Variants in CLASP1 observed in about 807,000 individuals in gnomAD.
CLASP1 encodes cytoplasmic linker associated protein 1.
CLASP1 carries 38 observed loss-of-function variants against 192.3 expected under a neutral mutation model. The observed-to-expected ratio is 0.20, with a 90% CI of 0.15 to 0.26. The LOEUF (loss-of-function observed/expected upper bound fraction) is 0.26, where lower values mean the gene tolerates loss of function less well. CLASP1 is among the 10% of genes least tolerant of loss of function. CLASP1 has a pLI of 1.00. For missense variants in CLASP1, 1,433 were observed against 1,932.5 expected (o/e 0.74, Z 4.85); for synonymous variants, 691 against 712.8 (o/e 0.97, Z 0.49).
chr2:121,442,682 G>A lies in CLASP1; in HGVS notation c.1912+4655C>T, dbSNP rs576801249. ...CTTAATAGAGACGGGGTTTCACCAC[G>A]TTGGTCAGGCTGGTCTCGAACTCCT... On this transcript the variant is annotated intron_variant, in intron 19 of 39. Transcript: ENST00000263710. 5.9e-5 allele frequency among the ~76,000 whole-genome samples: 9 copies of A among 152,164 alleles called. No individual in the cohort carries two copies. In the South Asian group the frequency reaches 1.0e-3, roughly 18 times the overall value.
chr2:121,520,168 C>T (rs1050634836), intron 6 of CLASP1, among the ~76,000 whole-genome samples: 2 of 152,172 alleles, frequency 1.3e-5, no homozygotes, highest in African/African-American at 4.8e-5. Flanking sequence ...GCCCACAGAT[C>T]AGGAATGGCA....
At chr2:121,611,690 T>A in intron 1 of CLASP1, among the ~76,000 whole-genome samples, 4 of 110,114 alleles carry the variant, frequency 3.6e-5, no homozygotes, top group African/African-American at 6.7e-5. Context: ...GAGGAGGAGT[T>A]GGAGGAGTTA....
At chr2:121,603,697 A>T (rs1386687770) in intron 2 of CLASP1, among the ~76,000 whole-genome samples, 1 of 152,262 alleles carries the variant, frequency 6.6e-6, no homozygotes, top group Admixed American at 6.5e-5. Context: ...GAGAATGGAT[A>T]AAGAAAATGT....
At chr2:121,397,150 T>C (rs766745448) in exon 30 of CLASP1, 1 of 1,613,850 alleles carries the variant, frequency 6.2e-7, no homozygotes, top group South Asian at 1.1e-5. Context: ...CTTTCTCACG[T>C]CTGAACTCTT....
intron 11 of CLASP1, among the ~76,000 whole-genome samples, chr2:121,460,736 G>C (rs954747643): frequency 2.0e-5 from 3 of 152,124 alleles, no homozygotes; most frequent in Admixed American, 6.6e-5. Flanking sequence ...TTTCTAGCAA[G>C]TGATAAGAAG....
chr2:121,519,893 C>T (rs1267721028), intron 6 of CLASP1, among the ~76,000 whole-genome samples: 1 of 152,182 alleles, frequency 6.6e-6, no homozygotes, highest in Non-Finnish European at 1.5e-5. Context: ...TGCAGCTATT[C>T]ACTTCTACAC....
chr2:121,531,388 G>A (rs1575734385), intron 2 of CLASP1, among the ~76,000 whole-genome samples: 5 of 152,194 alleles, frequency 3.3e-5, no homozygotes, highest in Admixed American at 3.3e-4. Context: ...GAGGTCAGGA[G>A]ATCGAGACCA....
intron 7 of CLASP1, among the ~76,000 whole-genome samples, chr2:121,509,377 T>G (rs923165620): frequency 2.6e-5 from 4 of 152,196 alleles, no homozygotes; most frequent in Non-Finnish European, 4.4e-5. Context: ...GGGTCTCATG[T>G]TGCCCAGGCT....
At chr2:121,590,375 C>T (rs535002239) in intron 2 of CLASP1, among the ~76,000 whole-genome samples, 1 of 151,956 alleles carries the variant, frequency 6.6e-6, no homozygotes, top group Non-Finnish European at 1.5e-5. Context: ...ACAGCAACCA[C>T]GTACAGAAAA....
At chr2:121,493,855 A>G (rs1328875345) in intron 8 of CLASP1, among the ~76,000 whole-genome samples, 1 of 152,278 alleles carries the variant, frequency 6.6e-6, no homozygotes. Context: ...AGTGCTCAAC[A>G]TCATTGATTA....
chr2:121,518,563 G>A (rs1469344460), intron 6 of CLASP1, among the ~76,000 whole-genome samples: 3 of 152,126 alleles, frequency 2.0e-5, no homozygotes, highest in African/African-American at 7.2e-5. Context: ...TAATGTTAGG[G>A]AATATTTTTA....
intron 6 of CLASP1, 70 bp from the exon 7 acceptor site, chr2:121,515,832 A>C (rs1357712724): frequency 1.5e-5 from 18 of 1,236,572 alleles, no homozygotes; most frequent in Non-Finnish European, 2.1e-5. Context: ...GGGACACAAC[A>C]GGCCATATAC....
chr2:121,566,683 T>G (rs754136376), intron 2 of CLASP1, among the ~76,000 whole-genome samples: 21 of 152,208 alleles, frequency 1.4e-4, no homozygotes, highest in Non-Finnish European at 2.5e-4. Context: ...GTAATTTTGA[T>G]AATAACTACC....
At chr2:121,348,596 G>C (rs776597572) in exon 38 of CLASP1, 2 of 1,613,914 alleles carry the variant, frequency 1.2e-6, no homozygotes, top group Non-Finnish European at 1.7e-6. Context: ...TCTGCATCTT[G>C]ATGGCAGCAA....
intron 8 of CLASP1, among the ~76,000 whole-genome samples, chr2:121,480,808 C>T (rs543563836): frequency 6.6e-5 from 10 of 152,290 alleles, no homozygotes; most frequent in Non-Finnish European, 8.8e-5. Context: ...CAACCCATTA[C>T]GGTAATTAAT....
intron 7 of CLASP1, among the ~76,000 whole-genome samples, chr2:121,509,161 C>G (rs2094034478): frequency 6.6e-6 from 1 of 152,126 alleles, no homozygotes; most frequent in Admixed American, 6.5e-5. Flanking sequence ...GACATTCAAA[C>G]AAACAATATT....
Position 121,447,346 on chromosome 2 carries a change from C to T in CLASP1, c.1903G>A (p.Ala635Thr), listed in dbSNP as rs1260435428. The T allele has an allele frequency of 3.1e-6, 5 of 1,590,864 alleles. No homozygotes were observed. Among genetic ancestry groups the T allele is most frequent in the African/African-American group, 2.7e-5 (2 of 74,528 alleles). The change falls in exon 19 of 40, where the codon GCA becomes ACA. Residue 635 changes from alanine (A) to threonine (T), a missense_variant. Ala to Thr is a moderately conservative substitution (Grantham distance 58, BLOSUM62 0). This residue lies in a region of CLASP1 where 445 missense variants were observed against 535.5 expected (regional missense o/e 0.83). Coordinates refer to ENST00000263710, the Ensembl canonical transcript of CLASP1. ...ACAGGGGTGTGGTTACCTAAGGATG[C>T]GTATGACCCTGGAGGCAAAGCTGCT...
chr2:121,599,753 T>C (rs924430245), intron 2 of CLASP1, among the ~76,000 whole-genome samples: 1 of 150,674 alleles, frequency 6.6e-6, no homozygotes, highest in African/African-American at 2.4e-5. Flanking sequence ...CCATCTCTAC[T>C]AAAAATACAG....
At chr2:121,614,727 A>G (rs1271273072) in intron 1 of CLASP1, among the ~76,000 whole-genome samples, 1 of 152,202 alleles carries the variant, frequency 6.6e-6, no homozygotes, top group Non-Finnish European at 1.5e-5. Context: ...ATCAAATATA[A>G]AATCTCACTA....
Sources: gnomAD v4.1 joint callset for allele counts (sites outside exome capture counted in the v4.1 genomes callset) on GRCh38, gnomAD v4.1.1 for gene constraint, gnomAD v4.1.1 regional missense constraint, MANE v1.5 for transcripts, NCBI Gene and HGNC (gene_info 2026-07-23, HGNC 2026-07-21) for gene names.